The following OR51B5 variants were observed in gnomAD, a reference collection of about 807,000 sequenced individuals.
OR51B5 encodes the protein olfactory receptor family 51 subfamily B member 5.
For synonymous variants in OR51B5, 186 were observed against 144.8 expected (o/e 1.28, Z -2.04); for missense variants, 456 against 374.6 (o/e 1.22, Z -1.79).
intron 1 of OR51B5, among the ~76,000 whole-genome samples, chr11:5,353,983 T>G (rs1849145172): frequency 9.5e-6 from 1 of 105,134 alleles, no homozygotes; most frequent in Non-Finnish European, 2.2e-5. Flanking sequence ...AAATTTGCCT[T>G]TCTCTTTTGT....
chr11:5,384,715 C>A (rs1280275895), intron 1 of OR51B5, among the ~76,000 whole-genome samples: 4 of 152,192 alleles, frequency 2.6e-5, no homozygotes, highest in Admixed American at 6.5e-5. Flanking sequence ...TTATTAAATG[C>A]ATTTTATATG....
intron 1 of OR51B5, chr11:5,393,364 CTG>C (rs1260678055): frequency 3.3e-5 from 4 of 122,248 alleles, no homozygotes; most frequent in African/African-American, 1.2e-4. Flanking sequence ...GCTTAGGAAA[CTG>C]TTGGCAAAAT....
In OR51B5 at chr11:5,489,527, A is replaced by T. The variant is rs767167520; in HGVS notation, n.84+16042T>A. On this transcript the variant is annotated intron_variant and non_coding_transcript_variant, in intron 1 of 4. Coordinates refer to the OR51B5 transcript ENST00000415970. ...CGCTTTGGTCACCACGAAGTCCCCA[A>T]GCATGTGCACATCTTTCTGGCTAAT... 30 of 1,613,920 alleles carry T rather than the reference A, an allele frequency of 1.9e-5. No homozygotes were observed. In the South Asian group the frequency reaches 3.2e-4, roughly 17 times the overall value.
At chr11:5,403,496 G>A in intron 1 of OR51B5, 1 of 471,782 alleles carries the variant, frequency 2.1e-6, no homozygotes, top group Non-Finnish European at 4.4e-6. Context: ...AGACCAAGGA[G>A]ATCCATGGTG....
At chr11:5,390,088 T>G in intron 1 of OR51B5, 1 of 1,613,804 alleles carries the variant, frequency 6.2e-7, no homozygotes, top group Non-Finnish European at 8.5e-7. Flanking sequence ...CACTGTCCTA[T>G]GGACTCATCC....
intron 1 of OR51B5, chr11:5,441,322 G>A: frequency 6.2e-7 from 1 of 1,613,908 alleles, no homozygotes; most frequent in South Asian, 1.1e-5. Context: ...AGCATAGAGA[G>A]GAAGTAGTAC....
intron 1 of OR51B5, chr11:5,422,356 C>T (rs1850353602): frequency 6.2e-7 from 1 of 1,614,198 alleles, no homozygotes; most frequent in Non-Finnish European, 8.5e-7. Context: ...CTGTCATTCG[C>T]ACAGAGCCAT....
intron 1 of OR51B5, chr11:5,430,961 G>A (rs1216624488): frequency 2.8e-5 from 13 of 457,002 alleles, no homozygotes; most frequent in South Asian, 1.9e-4. Context: ...ACCACGATAA[G>A]CAATGAGTCC....
chr11:5,493,395 T>C (rs1163583734), intron 1 of OR51B5, among the ~76,000 whole-genome samples: 1 of 152,214 alleles, frequency 6.6e-6, no homozygotes, highest in Non-Finnish European at 1.5e-5. Flanking sequence ...TTGAGAAATC[T>C]ATCTATACCA....
chr11:5,403,201 T>A (rs1479761926), intron 1 of OR51B5: 1 of 471,312 alleles, frequency 2.1e-6, no homozygotes, highest in Admixed American at 2.3e-5. Flanking sequence ...ATCTATGGGA[T>A]TTTCATTGTT....
At chr11:5,362,235 CG>C (rs1352209364) in intron 1 of OR51B5, among the ~76,000 whole-genome samples, 2 of 152,050 alleles carry the variant, frequency 1.3e-5, no homozygotes, top group African/African-American at 4.8e-5. Flanking sequence ...GTGTTTCTGT[CG>C]GGGGATGGGA....
chr11:5,422,902 TGA>T (rs749259048), intron 1 of OR51B5: 10 of 1,614,146 alleles, frequency 6.2e-6, no homozygotes, highest in Non-Finnish European at 6.8e-6. Flanking sequence ...CCACCTGGGC[TGA>T]GCGACTCCGT....
At chr11:5,402,485 T>G (rs1011004115) in intron 1 of OR51B5, 8 of 360,062 alleles carry the variant, frequency 2.2e-5, no homozygotes, top group Non-Finnish European at 4.4e-5. Context: ...GTGAGTTTGC[T>G]TTTTTCTTCC....
At chr11:5,453,538 TC>T in intron 1 of OR51B5, 1 of 1,597,854 alleles carries the variant, frequency 6.3e-7, no homozygotes, top group Non-Finnish European at 8.5e-7. Context: ...CTGACTGGTA[TC>T]CCTGGTCTGG....
At chr11:5,380,832 G>A (rs1054747867) in intron 1 of OR51B5, among the ~76,000 whole-genome samples, 22 of 152,270 alleles carry the variant, frequency 1.4e-4, no homozygotes, top group African/African-American at 2.9e-4. Flanking sequence ...TTGAGGACAC[G>A]GGAAGGTGGT....
chr11:5,392,255 C>T (rs561300944), intron 1 of OR51B5: 1 of 152,198 alleles, frequency 6.6e-6, no homozygotes, highest in Admixed American at 6.5e-5. Flanking sequence ...GCCTTACAGG[C>T]TGGCACTCCT....
downstream of OR51B5, chr11:5,342,565 AGT>A (rs149844212): frequency 1.7e-3 from 2,566 of 1,550,658 alleles, 36 homozygotes; most frequent in African/African-American, 0.032. Flanking sequence ...ATTCTGTGAG[AGT>A]GACTGTGATG....
intron 1 of OR51B5, among the ~76,000 whole-genome samples, chr11:5,495,604 T>G (rs1851638784): frequency 6.6e-6 from 1 of 151,946 alleles, no homozygotes; most frequent in South Asian, 2.1e-4. Flanking sequence ...AAGACAAAAA[T>G]AAAGAGATCA....
chr11:5,395,373 A>G (rs1390677338), intron 1 of OR51B5, among the ~76,000 whole-genome samples: 2 of 152,210 alleles, frequency 1.3e-5, no homozygotes, highest in African/African-American at 2.4e-5. Context: ...TTTGTGGATA[A>G]AGGAAGTCAT....
Sources: allele counts gnomAD v4.1 joint callset (sites outside exome capture counted in the v4.1 genomes callset), GRCh38; gene constraint gnomAD v4.1.1; transcripts MANE v1.5; gene names NCBI Gene and HGNC (gene_info 2026-07-23, HGNC 2026-07-21).